Variants in INTU observed in about 807,000 individuals in gnomAD.
INTU encodes protein inturned.
Under a neutral mutation model 100.5 loss-of-function variants are expected in INTU, and 68 were observed. The ratio of observed to expected loss-of-function variants is 0.68; its 90% CI spans 0.56 to 0.83. The LOEUF (loss-of-function observed/expected upper bound fraction) is 0.83, where lower values mean the gene tolerates loss of function less well. Ranked by LOEUF, INTU falls within the 40% of genes least tolerant of loss-of-function variation. INTU has a pLI of 0.00. For missense variants in INTU, 1,071 were observed against 1,114.7 expected, an observed-to-expected ratio of 0.96 and a Z score of 0.56; for synonymous variants, 357 against 395.7, an observed-to-expected ratio of 0.90 and a Z score of 1.16.
intron 6 of INTU, among the ~76,000 whole-genome samples, chr4:127,681,635 A>C (rs1405942124): frequency 6.6e-6 from 1 of 152,236 alleles, no homozygotes; most frequent in Non-Finnish European, 1.5e-5. Context: ...CGGTAGACCT[A>C]AAACCATAAA....
intron 15 of INTU, among the ~76,000 whole-genome samples, chr4:127,714,947 G>A (rs1731217427): frequency 6.6e-6 from 1 of 152,074 alleles, no homozygotes; most frequent in Non-Finnish European, 1.5e-5. Flanking sequence ...CATAGTCATT[G>A]CCTCTAAGGG....
In INTU at chr4:127,719,306, C is replaced by T. The variant is rs1016528060; in HGVS notation, c.*2870C>T. The stretch of plus-strand genomic sequence containing the variant: ...AGTTTATTGATTTGCATATGTTGAA[C>T]CAGCCTCACATCCCGGGAATGAAGC... On this transcript the variant is annotated 3_prime_UTR_variant, in exon 16 of 16. Coordinates refer to ENST00000335251, the MANE Select transcript of INTU (RefSeq NM_015693.4). 1 of 152,182 alleles carries T rather than the reference C, an allele frequency of 6.6e-6. No homozygotes were observed. The highest frequency in any genetic ancestry group is 1.5e-5 in the Non-Finnish European group (1 of 68,034). The allele number at this position is 152,182 out of a possible 1,614,324, so 9.4% of individuals were successfully genotyped here. A position where few individuals can be genotyped will look rare whatever the true frequency, so the allele number is the denominator to read the frequency against.
chr4:127,719,443 C>T lies in INTU; in HGVS notation c.*3007C>T, dbSNP rs370092138. 1 of 152,062 alleles carries T rather than the reference C, an allele frequency of 6.6e-6. No individual in the cohort carries two copies. Among genetic ancestry groups the T allele is most frequent in the African/African-American group, 2.4e-5 (1 of 41,400 alleles). The allele number at this position is 152,062 out of a possible 1,614,324, so 9.4% of individuals were successfully genotyped here. A position where few individuals can be genotyped will look rare whatever the true frequency, so the allele number is the denominator to read the frequency against. Reference sequence around the variant, plus strand: ...ATCAGGGATATTGGTCTGAAGTTTTCTTTTTTTGTTGTATCTCTGCCAGGT... The same window carrying T: ...ATCAGGGATATTGGTCTGAAGTTTTTTTTTTTTGTTGTATCTCTGCCAGGT... On this transcript the variant is annotated 3_prime_UTR_variant, in exon 16 of 16. Transcript: ENST00000335251.
chr4:127,693,500 T>C (rs1185617147), intron 8 of INTU, among the ~76,000 whole-genome samples: 4 of 152,104 alleles, frequency 2.6e-5, no homozygotes, highest in Admixed American at 6.6e-5. Context: ...TCTAGGTATA[T>C]AGTCATATCA....
At chr4:127,676,888 T>G (rs1729225782) in intron 6 of INTU, among the ~76,000 whole-genome samples, 1 of 152,082 alleles carries the variant, frequency 6.6e-6, no homozygotes, top group East Asian at 1.9e-4. Context: ...ATCGGGTCAC[T>G]CCCACCCCAA....
chr4:127,677,429 C>T lies in INTU; in HGVS notation c.1181+3216C>T, dbSNP rs955343242. ...TTCCAGAGGAACGATCAGACAGCAG[C>T]ATTCGCGGTTCACGAAAATCTGCTG... On this transcript the variant is annotated intron_variant, in intron 6 of 15. Coordinates refer to ENST00000335251, the MANE Select transcript of INTU (RefSeq NM_015693.4). 4.6e-5 allele frequency among the ~76,000 whole-genome samples: 7 copies of T among 150,720 alleles called. No individual in the cohort carries two copies. In the South Asian group the frequency reaches 1.0e-3, roughly 22 times the overall value.
chr4:127,711,462 T>G (rs1053798099), intron 14 of INTU, among the ~76,000 whole-genome samples: 2 of 152,176 alleles, frequency 1.3e-5, no homozygotes, highest in Non-Finnish European at 2.9e-5. Flanking sequence ...GATAATTCTT[T>G]GAGTATTTAG....
chr4:127,636,312 C>T (rs1052857796), intron 1 of INTU, among the ~76,000 whole-genome samples: 4 of 151,710 alleles, frequency 2.6e-5, no homozygotes, highest in Non-Finnish European at 5.9e-5. Flanking sequence ...GCCCTATCAC[C>T]ATTGTACACT....
chr4:127,688,087 G>T (rs1157345479), intron 8 of INTU, among the ~76,000 whole-genome samples: 1 of 151,956 alleles, frequency 6.6e-6, no homozygotes, highest in African/African-American at 2.4e-5. Flanking sequence ...TTAAATTTAA[G>T]CTTTATCCAA....
intron 8 of INTU, chr4:127,699,376 T>C (rs1428968555): frequency 1.3e-5 from 2 of 152,162 alleles, no homozygotes; most frequent in Non-Finnish European, 2.9e-5. Flanking sequence ...AAATCCTAAG[T>C]AAGAGATTTT....
At chr4:127,640,638 G>T (rs1727291233) in intron 1 of INTU, among the ~76,000 whole-genome samples, 1 of 136,364 alleles carries the variant, frequency 7.3e-6, no homozygotes, top group South Asian at 2.3e-4. Flanking sequence ...CTATAACTTT[G>T]TGGTGGAAAA....
Position 127,649,394 on chromosome 4 carries a change from G to A in INTU, c.682+5338G>A, listed in dbSNP as rs931839526. On this transcript the variant is annotated intron_variant, in intron 2 of 15. Transcript: ENST00000335251. ...CTAGAACAAAGACTCTCAATGCCTC[G>A]GCTTGTAAGATGTACAGAAACATGA... Among the ~76,000 whole-genome samples the A allele has an allele frequency of 2.6e-5, 4 of 152,004 alleles. 1 individual carries two copies. Among genetic ancestry groups the A allele is most frequent in the African/African-American group, 9.7e-5 (4 of 41,368 alleles).
chr4:127,659,198 G>A (rs1043607788), intron 3 of INTU, among the ~76,000 whole-genome samples: 2 of 152,158 alleles, frequency 1.3e-5, no homozygotes, highest in African/African-American at 4.8e-5. Flanking sequence ...AATGGTTCTG[G>A]TACCTGTCCA....
At chr4:127,698,243 A>G (rs945526061) in intron 8 of INTU, among the ~76,000 whole-genome samples, 2 of 152,186 alleles carry the variant, frequency 1.3e-5, no homozygotes, top group Non-Finnish European at 2.9e-5. Context: ...TGGGAGGATC[A>G]CAAGGTCAGG....
Position 127,687,744 on chromosome 4 carries a change from A to C in INTU, c.1326A>C (p.Ala442=). The C allele has an allele frequency of 6.2e-7, 1 of 1,613,556 alleles. No individual in the cohort carries two copies. Among genetic ancestry groups the C allele is most frequent in the Non-Finnish European group, 8.5e-7 (1 of 1,179,636 alleles). ...DHFFNLFFQR[A]LQPAKLHSSA... ...TTTTTAACTTGTTCTTTCAAAGAGC[A>C]CTTCAGCCTGCGAAACTGCATTCCA... Residue 442 remains alanine, a synonymous_variant, in exon 8 of 16, where the codon GCA becomes GCC. Coordinates refer to ENST00000335251, the MANE Select transcript of INTU (RefSeq NM_015693.4).
At chr4:127,650,649 T>C (rs1208929463) in intron 2 of INTU, among the ~76,000 whole-genome samples, 2 of 151,932 alleles carry the variant, frequency 1.3e-5, no homozygotes, top group Admixed American at 6.6e-5. Flanking sequence ...GTTCCAAGTC[T>C]TTGCCATTGT....
At chr4:127,649,913 A>G (rs992553510) in intron 2 of INTU, among the ~76,000 whole-genome samples, 7 of 152,210 alleles carry the variant, frequency 4.6e-5, no homozygotes, top group African/African-American at 1.7e-4. Context: ...CTATATTTCT[A>G]TTAATATAGC....
chr4:127,680,442 G>T (rs1323085983), intron 6 of INTU, among the ~76,000 whole-genome samples: 1 of 127,292 alleles, frequency 7.9e-6, no homozygotes, highest in Non-Finnish European at 1.7e-5. Flanking sequence ...ATGCAAGGCT[G>T]GTTCAATATA....
At chr4:127,714,313 A>G (rs1386173836) in intron 15 of INTU, among the ~76,000 whole-genome samples, 1 of 151,722 alleles carries the variant, frequency 6.6e-6, no homozygotes, top group East Asian at 1.9e-4. Flanking sequence ...AATACACTGA[A>G]AGAATAATTC....
Sources: gnomAD v4.1 joint callset for allele counts (sites outside exome capture counted in the v4.1 genomes callset) on GRCh38, gnomAD v4.1.1 for gene constraint, MANE v1.5 for transcripts, NCBI Gene and HGNC (gene_info 2026-07-23, HGNC 2026-07-21) for gene names.